Variants in TBC1D30 observed in about 807,000 individuals in gnomAD.
The protein encoded by TBC1D30 is TBC1 domain family member 30.
A neutral mutation model predicts 63.2 loss-of-function variants in TBC1D30; 31 were observed. That is an observed-to-expected ratio of 0.49 (90% CI 0.37 to 0.66). The LOEUF (loss-of-function observed/expected upper bound fraction) is 0.66, where lower values mean the gene tolerates loss of function less well. Among genes scored for constraint, TBC1D30 ranks in the 30% least tolerant of loss-of-function variants. The probability of loss-of-function intolerance (pLI) is 0.00; values close to 1 mark genes in which losing one functional copy is unlikely to be tolerated. For missense variants in TBC1D30, 810 were observed against 953.6 expected (o/e 0.85, Z 1.98); for synonymous variants, 307 against 361.5 (o/e 0.85, Z 1.71).
chr12:64,824,685 C>G lies in TBC1D30; in HGVS notation c.-195C>G. 1 of 669,230 alleles carries G rather than the reference C, an allele frequency of 1.5e-6. No homozygotes were observed. Among genetic ancestry groups the G allele is most frequent in the South Asian group, 2.3e-5 (1 of 43,348 alleles). The allele number at this position is 669,230 out of a possible 1,614,324, so 41.5% of individuals were successfully genotyped here. On this transcript the variant is annotated 5_prime_UTR_variant, in exon 1 of 12. Transcript: ENST00000539867. ...CCGCACTGCAGATGCCTGCTGGCTT[C>G]CCTGCGCTCGGCGGCTCCCGCGGTG...
At chr12:64,814,215 T>C (rs1873388968) in intron 2 of TBC1D30, among the ~76,000 whole-genome samples, 6 of 152,128 alleles carry the variant, frequency 3.9e-5, no homozygotes, top group Admixed American at 3.9e-4. Context: ...TCTAGCTAAC[T>C]TTTGTATTTC....
intron 2 of TBC1D30, among the ~76,000 whole-genome samples, chr12:64,799,013 C>A (rs887118201): frequency 2.0e-5 from 3 of 151,944 alleles, no homozygotes; most frequent in African/African-American, 7.3e-5. Context: ...CGGGGTTTCA[C>A]CTTGTTAGCC....
At chr12:64,874,923 C>A in intron 11 of TBC1D30, 78 bp from the exon 12 acceptor site, 2 of 1,366,304 alleles carry the variant, frequency 1.5e-6, no homozygotes, top group Non-Finnish European at 2.0e-6. Context: ...GCTGGGAGGA[C>A]CTCTAAGTGA....
chr12:64,769,195 T>A (rs1246526055), intron 1 of TBC1D30, among the ~76,000 whole-genome samples: 4 of 151,788 alleles, frequency 2.6e-5, no homozygotes, highest in Non-Finnish European at 4.4e-5. Flanking sequence ...CATGTAGAAC[T>A]GATGATTCCT....
At chr12:64,836,775 G>T in intron 6 of TBC1D30, 117 bp downstream of exon 6, 1 of 1,057,098 alleles carries the variant, frequency 9.5e-7, no homozygotes, top group South Asian at 2.0e-5. Context: ...TAAGAGCTTG[G>T]TGTAATGAAA....
rs1021068652 is a variant in TBC1D30 at position 64,795,296 on chromosome 12, G to A, written c.643+9251G>A. On this transcript the variant is annotated intron_variant, in intron 2 of 12. Coordinates refer to the TBC1D30 transcript ENST00000542120. ...GCTGCTGGTATTTTGGGAGCCGAGT[G>A]GGGTGAAGAGAGCTGGGAGTCTCTG... Among the ~76,000 whole-genome samples, 7 of 152,182 alleles carry A rather than the reference G, an allele frequency of 4.6e-5. 1 individual carries two copies. Among genetic ancestry groups the A allele is most frequent in the Non-Finnish European group, 1.0e-4 (7 of 68,028 alleles).
rs1879048425 is a variant in TBC1D30, at chr12:64,876,031, T to G, written c.*243T>G. ...CAAAATAAATATTGTGGTTTTATAGTGTGAAGTTTTCCCAATTTTTCATTG... is the reference window on the plus strand; with the variant it reads ...CAAAATAAATATTGTGGTTTTATAGGGTGAAGTTTTCCCAATTTTTCATTG... On this transcript the variant is annotated 3_prime_UTR_variant, in exon 12 of 12. Transcript: ENST00000539867. The G allele has an allele frequency of 2.3e-6, 1 of 443,828 alleles. No homozygotes were observed. The highest frequency in any genetic ancestry group is 3.8e-5 in the East Asian group (1 of 26,564). The allele number at this position is 443,828 out of a possible 1,614,324, so 27.5% of individuals were successfully genotyped here.
intron 1 of TBC1D30, among the ~76,000 whole-genome samples, chr12:64,782,290 G>A (rs1247994852): frequency 2.1e-5 from 3 of 145,526 alleles, no homozygotes; most frequent in Admixed American, 6.8e-5. Context: ...TCTCCTCACT[G>A]TATTAAAAAA....
chr12:64,848,920 AT>A (rs1230176666), intron 8 of TBC1D30, among the ~76,000 whole-genome samples: 1 of 152,152 alleles, frequency 6.6e-6, no homozygotes, highest in Non-Finnish European at 1.5e-5. Context: ...ATTTCTCCAC[AT>A]CCTCTCCAGC....
chr12:64,874,631 A>AT (rs890965590), intron 11 of TBC1D30, among the ~76,000 whole-genome samples: 9 of 151,706 alleles, frequency 5.9e-5, no homozygotes, highest in South Asian at 2.1e-4. Flanking sequence ...TTGTTGTATT[A>AT]TTTTTTTTAA....
intron 11 of TBC1D30, among the ~76,000 whole-genome samples, chr12:64,872,750 C>A (rs1004743999): frequency 6.6e-6 from 1 of 152,186 alleles, no homozygotes; most frequent in African/African-American, 2.4e-5. Context: ...CTTACAGTTT[C>A]ACATGGCTGG....
chr12:64,781,268 CTGT>C lies in TBC1D30; in HGVS notation c.461_463del (p.Leu154_Tyr155delinsHis), dbSNP rs1871269898. 7 of 1,150,280 alleles carry C rather than the reference CTGT, an allele frequency of 6.1e-6. No homozygotes were observed. In the African/African-American group the frequency reaches 1.2e-4, roughly 19 times the overall value. The allele number at this position is 1,150,280 out of a possible 1,614,324, so 71.3% of individuals were successfully genotyped here. Reference sequence around the variant, plus strand: ...GCGACCGAGCCAGCGGCATCAGATGCTGTACCTGCGGCAGAAAGGTGAGGGCCG... The same window carrying C: ...GCGACCGAGCCAGCGGCATCAGATGCACCTGCGGCAGAAAGGTGAGGGCCG... On this transcript the variant is annotated inframe_deletion, in exon 1 of 13. Coordinates refer to the TBC1D30 transcript ENST00000542120.
rs1377352148 is a variant in TBC1D30 at position 64,824,901 on chromosome 12, G to A, written c.22G>A (p.Gly8Arg). The A allele has an allele frequency of 2.6e-6, 4 of 1,533,990 alleles. No homozygotes were observed. The highest frequency in any genetic ancestry group is 2.4e-5 in the East Asian group (1 of 40,886). Reference protein sequence around the residue: MRQDKLTGSLRRGGRCLK... With the variant: MRQDKLTRSLRRGGRCLK... ...TCGGATGCGGCAGGACAAGCTGACC[G>A]GGTCTCTGAGGCGCGGGGGGAGATG... The change falls in exon 1 of 12, where the codon GGG becomes AGG. Residue 8 changes from glycine (G) to arginine (R), a missense_variant. Gly to Arg is a moderately radical substitution (Grantham distance 125, BLOSUM62 -2). This residue lies in a region of TBC1D30 where 272 missense variants were observed against 335.9 expected (regional missense o/e 0.81). Transcript: ENST00000539867.
intron 2 of TBC1D30, among the ~76,000 whole-genome samples, chr12:64,805,384 C>T (rs1872802854): frequency 6.6e-6 from 1 of 152,070 alleles, no homozygotes; most frequent in African/African-American, 2.4e-5. Context: ...AATAATCATC[C>T]CTTTTAGAGG....
At chr12:64,785,958 C>G (rs1326411490) in exon 2 of TBC1D30, 1 of 1,289,846 alleles carries the variant, frequency 7.8e-7, no homozygotes, top group African/African-American at 1.5e-5. Context: ...ACTTCGGCAT[C>G]TGAAGCAGAA....
intron 1 of TBC1D30, among the ~76,000 whole-genome samples, chr12:64,775,092 C>CA (rs111986258): frequency 0.012 from 1,337 of 107,180 alleles, 17 homozygotes; most frequent in African/African-American, 0.037. Context: ...GACTGTGTCT[C>CA]AAAAAAAAAA....
intron 8 of TBC1D30, among the ~76,000 whole-genome samples, chr12:64,862,193 G>T: frequency 6.6e-6 from 1 of 152,222 alleles, no homozygotes; most frequent in Admixed American, 6.5e-5. Context: ...GTAAATCTCC[G>T]ACTTACCAAG....
intron 2 of TBC1D30, among the ~76,000 whole-genome samples, chr12:64,808,653 C>T (rs1375336495): frequency 1.3e-5 from 2 of 152,080 alleles, no homozygotes; most frequent in Non-Finnish European, 2.9e-5. Flanking sequence ...ACATTAGGTA[C>T]AGTCACGCTG....
At chr12:64,789,042 C>T (rs1871760790) in intron 2 of TBC1D30, among the ~76,000 whole-genome samples, 1 of 152,162 alleles carries the variant, frequency 6.6e-6, no homozygotes, top group Non-Finnish European at 1.5e-5. Flanking sequence ...TGAGATTTCA[C>T]TATCACACTG....
Sources: gnomAD v4.1 joint callset for allele counts (sites outside exome capture counted in the v4.1 genomes callset) on GRCh38, gnomAD v4.1.1 for gene constraint, gnomAD v4.1.1 regional missense constraint, MANE v1.5 for transcripts, NCBI Gene and HGNC (gene_info 2026-07-23, HGNC 2026-07-21) for gene names.